DNAH5: variants seen among roughly 807,000 people sequenced by gnomAD.
DNAH5 encodes the protein dynein axonemal heavy chain 5.
In DNAH5, 372 loss-of-function variants were observed where a neutral mutation model predicts 518.2. The observed-to-expected ratio is 0.72, with a 90% CI of 0.66 to 0.78. The LOEUF (loss-of-function observed/expected upper bound fraction) is 0.78, where lower values mean the gene tolerates loss of function less well. Among genes scored for constraint, DNAH5 ranks in the 30% least tolerant of loss-of-function variants. The probability of loss-of-function intolerance (pLI) is 0.00; values close to 1 mark genes in which losing one functional copy is unlikely to be tolerated. For synonymous variants in DNAH5, 2,039 were observed against 2,025.9 expected, an observed-to-expected ratio of 1.01 and a Z score of -0.17; for missense variants, 5,523 against 5,687.0, an observed-to-expected ratio of 0.97 and a Z score of 0.93.
At chr5:13,948,852 A>C (rs767311717), upstream of DNAH5, among the ~76,000 whole-genome samples, 12 of 152,288 alleles carry the variant, frequency 7.9e-5, no homozygotes, top group Middle Eastern at 3.4e-3. Flanking sequence ...CAATAGAGGG[A>C]GGTGGAAACT....
intron 23 of DNAH5, 107 bp from the exon 24 acceptor site, chr5:13,871,109 T>A: frequency 1.3e-6 from 1 of 766,672 alleles, no homozygotes; most frequent in Non-Finnish European, 2.1e-6. Flanking sequence ...CTTATTGCCC[T>A]CTAACCCACA....
chr5:13,720,251 C>T (rs75912013), intron 71 of DNAH5, among the ~76,000 whole-genome samples: 5,637 of 152,220 alleles, frequency 0.037, 358 homozygotes, highest in African/African-American at 0.13. Context: ...TAAACATTAC[C>T]GTTTGAAAAT....
chr5:13,787,175 G>A (rs1422583053), intron 51 of DNAH5, among the ~76,000 whole-genome samples: 4 of 149,820 alleles, frequency 2.7e-5, no homozygotes, highest in Non-Finnish European at 5.9e-5. Flanking sequence ...CCTGCATCCA[G>A]CCTGGGAAAC....
Position 13,839,465 on chromosome 5 carries a change from T to TA in DNAH5, c.5772dup (p.Asn1925Ter). 1 of 1,614,042 alleles carries TA rather than the reference T, an allele frequency of 6.2e-7. No homozygotes were observed. Among genetic ancestry groups the TA allele is most frequent in the Non-Finnish European group, 8.5e-7 (1 of 1,179,912 alleles). On this transcript the variant is annotated frameshift_variant, in exon 35 of 79. Coordinates refer to ENST00000265104, the MANE Select transcript of DNAH5 (RefSeq NM_001369.3). LOFTEE classifies it high-confidence loss of function. ...ATCATCATCTTGTCAGAATCTTCGT[T>TA]AAAGTAAAATCTGCACTGTTTCAGC...
intron 53 of DNAH5, among the ~76,000 whole-genome samples, chr5:13,780,537 T>C (rs187553853): frequency 2.6e-5 from 4 of 152,350 alleles, no homozygotes; most frequent in East Asian, 1.9e-4. Flanking sequence ...ACAGGGACAA[T>C]TGTCTTCTGA....
intron 30 of DNAH5, among the ~76,000 whole-genome samples, chr5:13,855,900 G>A (rs1223624420): frequency 6.6e-6 from 1 of 152,048 alleles, no homozygotes. Flanking sequence ...ATGCCTACTG[G>A]GTAAATAATG....
chr5:13,939,097 C>T (rs1779228328), intron 1 of DNAH5, among the ~76,000 whole-genome samples: 1 of 152,298 alleles, frequency 6.6e-6, no homozygotes, highest in Admixed American at 6.5e-5. Context: ...TCTCATCATT[C>T]CTACAGGAGT....
intron 12 of DNAH5, among the ~76,000 whole-genome samples, chr5:13,902,822 G>T (rs1774822492): frequency 6.6e-6 from 1 of 152,112 alleles, no homozygotes; most frequent in Non-Finnish European, 1.5e-5. Context: ...TAACATAAAA[G>T]CTAGTCTGGG....
chr5:13,824,170 G>A (rs774925626), intron 39 of DNAH5, 29 bp downstream of exon 39: 5 of 1,611,742 alleles, frequency 3.1e-6, no homozygotes. Context: ...TATCCAAGTA[G>A]GTGGAACACT....
At chr5:13,910,768 C>T (rs371233436) in intron 12 of DNAH5, among the ~76,000 whole-genome samples, 1 of 152,328 alleles carries the variant, frequency 6.6e-6, no homozygotes, top group South Asian at 2.1e-4. Context: ...CTCACCAGAA[C>T]TGGCTAGCCC....
At chr5:13,712,918 TC>T (rs1469143765) in intron 75 of DNAH5, among the ~76,000 whole-genome samples, 1 of 152,048 alleles carries the variant, frequency 6.6e-6, no homozygotes, top group Non-Finnish European at 1.5e-5. Flanking sequence ...GTGTGAAGAT[TC>T]CTTTAAAAAG....
At chr5:13,938,387 T>C (rs916383900) in intron 1 of DNAH5, among the ~76,000 whole-genome samples, 1 of 152,108 alleles carries the variant, frequency 6.6e-6, no homozygotes. Flanking sequence ...TACAGTACAA[T>C]AAGATATTTT....
At chr5:13,802,121 T>A (rs1292682961) in intron 47 of DNAH5, among the ~76,000 whole-genome samples, 1 of 152,204 alleles carries the variant, frequency 6.6e-6, no homozygotes, top group Non-Finnish European at 1.5e-5. Flanking sequence ...CATATACTGT[T>A]CTTTGAGAAT....
At position 13,768,980 on chromosome 5, in the gene DNAH5, CT is replaced by C. The variant is rs780365189; in HGVS notation, c.9876del (p.Glu3293ArgfsTer45). 1 of 1,614,168 alleles carries C rather than the reference CT, an allele frequency of 6.2e-7. No homozygotes were observed. Among genetic ancestry groups the C allele is most frequent in the South Asian group, 1.1e-5 (1 of 91,090 alleles). On this transcript the variant is annotated frameshift_variant, in exon 58 of 79. Coordinates refer to ENST00000265104, the MANE Select transcript of DNAH5 (RefSeq NM_001369.3). LOFTEE classifies it high-confidence loss of function. ...TGCACCTGCAATGCAGCTTCTGCCTCTTCTAAAGCTGGTTTTGCTGCTTCCA... is the reference window on the plus strand; with the variant it reads ...TGCACCTGCAATGCAGCTTCTGCCTCTCTAAAGCTGGTTTTGCTGCTTCCA... ...EKLEAAKPAL[E>X]EAEAALQTIR...
chr5:13,897,443 T>C (rs2151957085), intron 15 of DNAH5: 1 of 152,328 alleles, frequency 6.6e-6, no homozygotes, highest in East Asian at 1.9e-4. Flanking sequence ...GGTGAAGTCA[T>C]TTACCCAAAG....
intron 12 of DNAH5, among the ~76,000 whole-genome samples, chr5:13,907,485 A>T (rs912073971): frequency 6.6e-6 from 1 of 152,194 alleles, no homozygotes; most frequent in Admixed American, 6.5e-5. Context: ...TGGTAATGAT[A>T]TTAATCAAAG....
chr5:13,821,836 C>T (rs1186813747), intron 40 of DNAH5, among the ~76,000 whole-genome samples: 3 of 151,850 alleles, frequency 2.0e-5, no homozygotes, highest in Non-Finnish European at 4.4e-5. Context: ...TTCTGTCACC[C>T]CATGTTGGAG....
chr5:13,778,592 A>AAGAAAGAGAGAG (rs1754563784), intron 53 of DNAH5, among the ~76,000 whole-genome samples: 1 of 51,492 alleles, frequency 1.9e-5, no homozygotes, highest in Non-Finnish European at 4.5e-5. Context: ...GAAAGAAAGA[A>AAGAAAGAGAGAG]AGAAAGAGAG....
intron 58 of DNAH5, among the ~76,000 whole-genome samples, chr5:13,766,946 A>G (rs1423730371): frequency 1.3e-5 from 2 of 152,204 alleles, no homozygotes; most frequent in Non-Finnish European, 2.9e-5. Context: ...CAGATCTTCA[A>G]AACATCCATC....
Sources: allele counts gnomAD v4.1 joint callset (sites outside exome capture counted in the v4.1 genomes callset), GRCh38; gene constraint gnomAD v4.1.1; transcripts MANE v1.5; gene names NCBI Gene and HGNC (gene_info 2026-07-23, HGNC 2026-07-21).